Variants in SPG7 observed in about 807,000 individuals in gnomAD.
SPG7 encodes the protein mitochondrial inner membrane m-AAA protease component paraplegin.
A neutral mutation model predicts 81.9 loss-of-function variants in SPG7; 103 were observed. The observed-to-expected ratio is 1.26, with a 90% confidence interval of 1.07 to 1.48. SPG7 has a LOEUF of 1.48. Ranked by LOEUF, SPG7 falls within the 40% of genes most tolerant of loss-of-function variation. The probability of loss-of-function intolerance (pLI) is 0.00; values close to 1 mark genes in which losing one functional copy is unlikely to be tolerated. For synonymous variants in SPG7, 534 were observed against 444.2 expected, an observed-to-expected ratio of 1.20 and a Z score of -2.54; for missense variants, 1,241 against 1,087.3, an observed-to-expected ratio of 1.14 and a Z score of -1.99.
intron 3 of SPG7, chr16:89,523,659 G>A (rs1372845979): frequency 8.5e-6 from 4 of 468,614 alleles, no homozygotes; most frequent in Non-Finnish European, 1.7e-5. Flanking sequence ...ACGGCTCACT[G>A]CAGCTTCAAC....
intron 9 of SPG7, chr16:89,540,500 C>T (rs944177979): frequency 6.6e-6 from 1 of 152,140 alleles, no homozygotes; most frequent in Admixed American, 6.6e-5. Flanking sequence ...GTGGGAGGAT[C>T]ACTTGAGCCT....
chr16:89,532,800 C>G, intron 9 of SPG7, 164 bp downstream of exon 9: 1 of 856,466 alleles, frequency 1.2e-6, no homozygotes, highest in South Asian at 1.5e-5. Context: ...ATGTAGCTTT[C>G]AGACCCGGCG....
intron 11 of SPG7, 65 bp downstream of exon 11, chr16:89,546,825 A>G (rs461405): frequency 8.5e-6 from 9 of 1,064,388 alleles, no homozygotes; most frequent in Non-Finnish European, 1.2e-5. Flanking sequence ...CACCTGCGCA[A>G]ACAGCATCGA....
rs181920063 is a variant in SPG7, at chr16:89,532,984, C to T, written c.1324+348C>T. The T allele has an allele frequency of 7.9e-4, 249 of 313,958 alleles. 1 individual carries two copies. Among genetic ancestry groups the T allele is most frequent in the African/African-American group, 5.2e-3 (230 of 44,224 alleles). 19.4% of individuals were successfully genotyped at this position (313,958 alleles called of 1,614,324 possible). On this transcript the variant is annotated intron_variant, in intron 9 of 16. Coordinates refer to ENST00000645818, the MANE Select transcript of SPG7 (RefSeq NM_003119.4). ...TATAATCGCTAGTACTCTGGAGAAT[C>T]GCTTGAACTCGGGAGGTGGAGGTTG...
chr16:89,513,048 C>T lies in SPG7; in HGVS notation c.376+11C>T. The T allele has an allele frequency of 1.3e-6, 2 of 1,597,270 alleles. No individual in the cohort carries two copies. Among genetic ancestry groups the T allele is most frequent in the Non-Finnish European group, 1.7e-6 (2 of 1,170,436 alleles). ...CTGAAGAGGACGAAGGTATATTCAT[C>T]TGATGTTCTTCAGTCAGTAGCTGCC... On this transcript the variant is annotated intron_variant, in intron 3 of 16. Coordinates refer to ENST00000645818, the MANE Select transcript of SPG7 (RefSeq NM_003119.4).
rs574469741 is a variant in SPG7 at position 89,552,872 on chromosome 16, T to G, written c.1780-107T>G. The stretch of plus-strand genomic sequence containing the variant: ...TGTAGAGGATGCTGCACATTTGCCT[T>G]CCTGCTTTGAGACGCTTTAATGACG... On this transcript the variant is annotated intron_variant, in intron 13 of 16. Transcript: ENST00000645818. 3.6e-5 allele frequency: 39 copies of G among 1,098,498 alleles called. 1 individual carries two copies. In the South Asian group the frequency reaches 5.0e-4, roughly 14 times the overall value. The allele number at this position is 1,098,498 out of a possible 1,614,324, so 68.0% of individuals were successfully genotyped here.
Position 89,546,770 on chromosome 16 carries a change from C to A in SPG7, c.1552+10C>A. 1.3e-6 allele frequency: 2 copies of A among 1,585,034 alleles called. No homozygotes were observed. The highest frequency in any genetic ancestry group is 1.1e-5 in the South Asian group (1 of 90,492). ...ACACCAGGATTCAGTGGTACGTTCT[C>A]AACCCGCAGCCTGGGCAGCGTCACG... On this transcript the variant is annotated intron_variant, in intron 11 of 16. Transcript: ENST00000645818.
intron 2 of SPG7, among the ~76,000 whole-genome samples, chr16:89,510,915 C>G (rs2058012656): frequency 6.6e-6 from 1 of 152,232 alleles, no homozygotes; most frequent in Non-Finnish European, 1.5e-5. Flanking sequence ...GTTGCAGAGC[C>G]TTGACCTCTT....
chr16:89,526,150 T>C (rs1433623271), intron 4 of SPG7, among the ~76,000 whole-genome samples, 179 bp from the exon 5 acceptor site: 2 of 152,118 alleles, frequency 1.3e-5, no homozygotes, highest in Non-Finnish European at 2.9e-5. Flanking sequence ...CATTGTAAAA[T>C]GGAAAGACCG....
chr16:89,548,407 A>C, intron 12 of SPG7: 1 of 382,690 alleles, frequency 2.6e-6, no homozygotes, highest in Non-Finnish European at 4.8e-6. Context: ...AAATAATAAA[A>C]ACTAAAAATG....
At chr16:89,547,073 A>C in intron 11 of SPG7, 1 of 381,136 alleles carries the variant, frequency 2.6e-6, no homozygotes, top group South Asian at 2.2e-5. Context: ...CGTCAGACCC[A>C]GAGTCAGACC....
In SPG7 at chr16:89,554,584, G is replaced by T. The variant is rs746982706; in HGVS notation, c.2181+21G>T. 9 of 1,572,576 alleles carry T rather than the reference G, an allele frequency of 5.7e-6. No homozygotes were observed. The Admixed American group carries it at 1.2e-4, about 20-fold the overall frequency. ...AGGCGGTGAGGCCCTGGCCAGGCGT[G>T]GGGGCTACGGCGTCACACAGTGTCC... On this transcript the variant is annotated intron_variant, in intron 16 of 16. Coordinates refer to ENST00000645818, the MANE Select transcript of SPG7 (RefSeq NM_003119.4).
chr16:89,524,915 G>A (rs1445480786), intron 4 of SPG7, among the ~76,000 whole-genome samples: 3 of 150,894 alleles, frequency 2.0e-5, no homozygotes, highest in African/African-American at 2.4e-5. Context: ...CCTTTGCTGG[G>A]TTACTCAGGA....
intron 5 of SPG7, among the ~76,000 whole-genome samples, chr16:89,528,408 AAAAG>A (rs2058295312): frequency 6.7e-6 from 1 of 149,828 alleles, no homozygotes; most frequent in African/African-American, 2.5e-5. Context: ...AAAAAAAAAA[AAAAG>A]AAGAAGATGG....
In SPG7 at chr16:89,508,415, A is replaced by C; in HGVS notation, c.-3A>C. 1 of 1,486,526 alleles carries C rather than the reference A, an allele frequency of 6.7e-7. No individual in the cohort carries two copies. The highest frequency in any genetic ancestry group is 8.9e-7 in the Non-Finnish European group (1 of 1,125,078). 92.1% of individuals were successfully genotyped at this position (1,486,526 alleles called of 1,614,324 possible). On this transcript the variant is annotated 5_prime_UTR_variant, in exon 1 of 17. Transcript: ENST00000645818. ...ATCACGCAGGCGCGGCTTTCAGGCC[A>C]ACATGGCCGTGCTGCTGCTGCTGCT... is the stretch of plus-strand genomic sequence containing the variant.
chr16:89,535,584 G>C (rs2058403322), intron 9 of SPG7, among the ~76,000 whole-genome samples: 1 of 152,194 alleles, frequency 6.6e-6, no homozygotes, highest in Non-Finnish European at 1.5e-5. Context: ...TGGGAGTCGA[G>C]TTTTCAGAGA....
chr16:89,540,891 A>T, intron 9 of SPG7: 1 of 984,916 alleles, frequency 1.0e-6, no homozygotes, highest in Non-Finnish European at 1.2e-6. Flanking sequence ...ACTGGAAGTG[A>T]CCCAGGTGCC....
At chr16:89,532,210 G>T in intron 8 of SPG7, 144 bp downstream of exon 8, 1 of 990,964 alleles carries the variant, frequency 1.0e-6, no homozygotes, top group Middle Eastern at 3.2e-4. Context: ...TTGGCGGAGG[G>T]GTTTTGTCTG....
At position 89,550,377 on chromosome 16, in the gene SPG7, TGGTC is replaced by T. The variant is rs1157950243; in HGVS notation, c.1664-114_1664-111del. The T allele has an allele frequency of 1.0e-5, 8 of 764,806 alleles. 1 individual carries two copies. The highest frequency in any genetic ancestry group is 5.4e-5 in the South Asian group (4 of 73,454). The allele number at this position is 764,806 out of a possible 1,614,324, so 47.4% of individuals were successfully genotyped here. A position where few individuals can be genotyped will look rare whatever the true frequency, so the allele number is the denominator to read the frequency against. ...TAGTAGGGACGGGGTTTCACCATAT[TGGTC>T]GGGCTGGTCTCGAACTCCTGTCCTC... On this transcript the variant is annotated intron_variant, in intron 12 of 16. Coordinates refer to ENST00000645818, the MANE Select transcript of SPG7 (RefSeq NM_003119.4).
Sources: gnomAD v4.1 joint callset for allele counts (sites outside exome capture counted in the v4.1 genomes callset) on GRCh38, gnomAD v4.1.1 for gene constraint, MANE v1.5 for transcripts, NCBI Gene and HGNC (gene_info 2026-07-23, HGNC 2026-07-21) for gene names.